The following ZNF484 variants were observed in gnomAD, a reference collection of about 807,000 sequenced individuals.
The protein encoded by ZNF484 is KRAB box containing C2H2 type zinc finger bA526D8.4.
ZNF484 carries 11 observed loss-of-function variants against 12.9 expected under a neutral mutation model. The observed-to-expected ratio is 0.85, with a 90% CI of 0.54 to 1.41. The LOEUF is 1.41. Ranked by LOEUF, ZNF484 falls within the 40% of genes most tolerant of loss-of-function variation. The probability of loss-of-function intolerance (pLI) is 0.00; values close to 1 mark genes in which losing one functional copy is unlikely to be tolerated. For synonymous variants in ZNF484, 289 were observed against 334.1 expected (o/e 0.86, Z 1.47); for missense variants, 807 against 1,007.7 (o/e 0.80, Z 2.70).
intron 4 of ZNF484, among the ~76,000 whole-genome samples, chr9:92,849,122 A>T (rs904822652): frequency 2.0e-5 from 3 of 151,428 alleles, no homozygotes; most frequent in African/African-American, 7.3e-5. Flanking sequence ...TTAGCCGGAC[A>T]TGGTGGTGCA....
intron 4 of ZNF484, 32 bp downstream of exon 4, chr9:92,855,779 A>G (rs1402559352): frequency 6.2e-7 from 1 of 1,600,832 alleles, no homozygotes; most frequent in African/African-American, 1.3e-5. Context: ...GCTGAGTCAT[A>G]CTGTCTACCA....
rs146443361 is a variant in ZNF484 at position 92,877,512 on chromosome 9, A to G, written c.-31+378T>C. ...ATCTTTAGCAAAATATATCATTATA[A>G]TGAAACAGAAACGAAAATATAAACA... On this transcript the variant is annotated intron_variant, in intron 1 of 4. Transcript: ENST00000375495. Among the ~76,000 whole-genome samples, 340 of 152,326 alleles carry G rather than the reference A, an allele frequency of 2.2e-3. 1 individual carries two copies. The highest frequency in any genetic ancestry group is 8.0e-3 in the African/African-American group (333 of 41,564).
chr9:92,854,610 G>A (rs1180305917), intron 4 of ZNF484, among the ~76,000 whole-genome samples: 1 of 152,114 alleles, frequency 6.6e-6, no homozygotes, highest in African/African-American at 2.4e-5. Context: ...CCAGCTACCG[G>A]GGAGGCTGAG....
chr9:92,867,397 C>G (rs533372005), intron 2 of ZNF484, among the ~76,000 whole-genome samples: 2 of 152,170 alleles, frequency 1.3e-5, no homozygotes, highest in South Asian at 4.2e-4. Flanking sequence ...CAGAAGAATC[C>G]CTTGAACCCG....
chr9:92,847,740 AATTC>A lies in ZNF484; in HGVS notation c.1043_1046del (p.Arg348IlefsTer51). 2.5e-6 allele frequency: 4 copies of A among 1,613,826 alleles called. No individual in the cohort carries two copies. Among genetic ancestry groups the A allele is most frequent in the Non-Finnish European group, 3.4e-6 (4 of 1,180,024 alleles). ...ACTCATAAGGTTTTTCTCCAGAATG[AATTC>A]TCTGGCATCTGAACAGATCTGACTT... On this transcript the variant is annotated frameshift_variant, in exon 5 of 5. Coordinates refer to ENST00000375495, the MANE Select transcript of ZNF484 (RefSeq NM_031486.4). LOFTEE classifies it low-confidence loss of function (END_TRUNC).
chr9:92,846,936 G>C lies in ZNF484; in HGVS notation c.1851C>G (p.Phe617Leu). Residue 617 changes from phenylalanine to leucine, a missense_variant, in exon 5 of 5, where the codon TTC (phenylalanine) becomes TTG (leucine). Phe to Leu is a conservative substitution (Grantham distance 22). Transcript: ENST00000375495. ...GTACGTGGAGCTGTGATTTCTTAGTGAAGGATTTCCCACAAATACTGCATT... is the reference window on the plus strand; with the variant it reads ...GTACGTGGAGCTGTGATTTCTTAGTCAAGGATTTCCCACAAATACTGCATT... ...PYECSICGKS[F>L]TKKSQLHVHQ... is the part of the protein sequence containing the mutation. 1.2e-6 allele frequency: 2 copies of C among 1,613,862 alleles called. No individual in the cohort carries two copies. The highest frequency in any genetic ancestry group is 1.7e-6 in the Non-Finnish European group (2 of 1,179,944).
chr9:92,873,484 A>T (rs1423630709), intron 2 of ZNF484, among the ~76,000 whole-genome samples: 1 of 152,238 alleles, frequency 6.6e-6, no homozygotes, highest in African/African-American at 2.4e-5. Context: ...GACAATGTGA[A>T]TAGCCCTGTA....
At chr9:92,857,546 A>T (rs1254076319) in intron 2 of ZNF484, among the ~76,000 whole-genome samples, 2 of 152,202 alleles carry the variant, frequency 1.3e-5, no homozygotes, top group Non-Finnish European at 2.9e-5. Context: ...TTAAGAAAAT[A>T]GTTGGGCATC....
chr9:92,871,624 G>C (rs1395098942), intron 2 of ZNF484, among the ~76,000 whole-genome samples: 1 of 152,174 alleles, frequency 6.6e-6, no homozygotes, highest in Non-Finnish European at 1.5e-5. Flanking sequence ...TTCACACTAA[G>C]GAAGAATTAT....
chr9:92,869,099 A>G (rs922445946), intron 2 of ZNF484, among the ~76,000 whole-genome samples: 7 of 152,102 alleles, frequency 4.6e-5, no homozygotes, highest in Non-Finnish European at 8.8e-5. Flanking sequence ...AGGGGTTGTG[A>G]CTGAATTAGT....
intron 2 of ZNF484, among the ~76,000 whole-genome samples, chr9:92,873,449 ACC>A (rs1857583954): frequency 6.6e-6 from 1 of 152,158 alleles, no homozygotes; most frequent in South Asian, 2.1e-4. Context: ...CACACAAACT[ACC>A]ACAACCCTCT....
intron 2 of ZNF484, among the ~76,000 whole-genome samples, chr9:92,869,977 A>G (rs953943870): frequency 9.9e-5 from 15 of 152,264 alleles, no homozygotes; most frequent in Admixed American, 5.2e-4. Context: ...ACCAAAACGT[A>G]TAAGACTATG....
intron 2 of ZNF484, among the ~76,000 whole-genome samples, chr9:92,857,508 G>A (rs562213122): frequency 6.6e-6 from 1 of 152,298 alleles, no homozygotes; most frequent in South Asian, 2.1e-4. Context: ...AACAGCCTTT[G>A]AAGAACAGAG....
intron 2 of ZNF484, among the ~76,000 whole-genome samples, chr9:92,873,803 C>T (rs1468235258): frequency 1.3e-5 from 2 of 151,372 alleles, no homozygotes; most frequent in Non-Finnish European, 2.9e-5. Flanking sequence ...TCAGGGTTAT[C>T]GTGATACCTA....
At chr9:92,849,242 C>T (rs551081262) in intron 4 of ZNF484, among the ~76,000 whole-genome samples, 1 of 150,914 alleles carries the variant, frequency 6.6e-6, no homozygotes, top group East Asian at 1.9e-4. Flanking sequence ...GCCTGGGCAA[C>T]AAGAGCGAAA....
Position 92,847,190 on chromosome 9 carries a change from A to T in ZNF484, c.1597T>A (p.Phe533Ile), listed in dbSNP as rs761595934. The T allele has an allele frequency of 8.7e-6, 14 of 1,614,124 alleles. No individual in the cohort carries two copies. The highest frequency in any genetic ancestry group is 1.2e-5 in the Non-Finnish European group (14 of 1,180,016). ...ATCCTGAGCCGAGACTTCCAGGTGA[A>T]TGATTTTCCACAGTCGCTGCATTTA... ...PYKCSDCGKS[F>I]TWKSRLRIHQ... Residue 533 changes from phenylalanine to isoleucine, a missense_variant, in exon 5 of 5, where the codon TTC becomes ATC. Physicochemically the swap from Phe to Ile is conservative, Grantham distance 21. Coordinates refer to ENST00000375495, the MANE Select transcript of ZNF484 (RefSeq NM_031486.4).
At chr9:92,861,862 C>T (rs78293906) in intron 2 of ZNF484, among the ~76,000 whole-genome samples, 4,834 of 152,170 alleles carry the variant, frequency 0.032, 149 homozygotes, top group African/African-American at 0.082. Flanking sequence ...AAAGGAAAAC[C>T]TCAAATAAAT....
intron 2 of ZNF484, among the ~76,000 whole-genome samples, chr9:92,871,461 A>T (rs898157681): frequency 3.3e-5 from 5 of 152,154 alleles, no homozygotes; most frequent in Non-Finnish European, 7.3e-5. Context: ...CATTTGTGTC[A>T]TTGGAGTTCC....
At chr9:92,866,149 G>A (rs1253554361) in intron 2 of ZNF484, among the ~76,000 whole-genome samples, 4 of 152,076 alleles carry the variant, frequency 2.6e-5, no homozygotes, top group Admixed American at 1.3e-4. Context: ...TTGAGGACAT[G>A]GGCTGATAGG....
Sources: gnomAD v4.1 joint callset for allele counts (sites outside exome capture counted in the v4.1 genomes callset) on GRCh38, gnomAD v4.1.1 for gene constraint, MANE v1.5 for transcripts, NCBI Gene and HGNC (gene_info 2026-07-23, HGNC 2026-07-21) for gene names.